Variants in WDR17 observed in about 807,000 individuals in gnomAD.
WDR17 encodes WD repeat-containing protein 17.
Under a neutral mutation model 161.7 loss-of-function variants are expected in WDR17, and 143 were observed. The ratio of observed to expected loss-of-function variants is 0.88; its 90% CI spans 0.77 to 1.02. WDR17 has a LOEUF of 1.02. Among genes scored for constraint, WDR17 ranks in the 50% least tolerant of loss-of-function variants. WDR17 has a pLI of 0.00. For missense variants in WDR17, 1,469 were observed against 1,520.9 expected (o/e 0.97, Z 0.57); for synonymous variants, 517 against 515.6 (o/e 1.00, Z -0.04).
Position 176,148,093 on chromosome 4 carries a change from T to A in WDR17, c.1695-40T>A, listed in dbSNP as rs1394234456. ...ATATGTTAATACTCTAGATACATTA[T>A]AACTTGAATGTTATCACACCCATAA... On this transcript the variant is annotated intron_variant, in intron 12 of 28. Transcript: ENST00000508596. The A allele has an allele frequency of 3.8e-6, 6 of 1,563,614 alleles. No individual in the cohort carries two copies. The African/African-American group carries it at 8.1e-5, about 21-fold the overall frequency.
intron 1 of WDR17, among the ~76,000 whole-genome samples, chr4:176,081,922 C>A (rs998946708): frequency 6.6e-6 from 1 of 152,084 alleles, no homozygotes; most frequent in Non-Finnish European, 1.5e-5. Context: ...CAGTGTAATT[C>A]CACCTGTACC....
Position 176,131,540 on chromosome 4 carries a change from T to C in WDR17, c.914-14T>C, listed in dbSNP as rs984819918. ...GGTTTCATTCCAATAGGATTTTTTT[T>C]CTTCTATTTTTAGTTTCAGTCCAAT... On this transcript the variant is annotated splice_polypyrimidine_tract_variant and intron_variant, in intron 6 of 28. Transcript: ENST00000508596. The C allele has an allele frequency of 1.3e-6, 2 of 1,587,886 alleles. No individual in the cohort carries two copies. Among genetic ancestry groups the C allele is most frequent in the South Asian group, 1.2e-5 (1 of 85,772 alleles).
chr4:176,156,708 G>C (rs933690031), intron 18 of WDR17, among the ~76,000 whole-genome samples: 4 of 151,876 alleles, frequency 2.6e-5, no homozygotes, highest in African/African-American at 9.7e-5. Flanking sequence ...CCATAAAATG[G>C]GTGGCCTAAA....
At position 176,173,336 on chromosome 4, in the gene WDR17, G is replaced by C. The variant is rs201308930; in HGVS notation, c.3314G>C (p.Arg1105Pro). Residue 1105 changes from arginine to proline, a missense_variant, in exon 25 of 29, where the codon CGT becomes CCT. By Grantham distance (103) the Arg-to-Pro change is moderately radical. Coordinates refer to ENST00000508596, the MANE Select transcript of WDR17 (RefSeq NM_181265.4). ...YPVLDLLSYI[R>P]TEKLLLHTCT... ...GTTCTTGACCTACTGAGCTATATTC[G>C]TACTGAAAAATTACTCTTGCATACG... 1.2e-6 allele frequency: 2 copies of C among 1,612,736 alleles called. No individual in the cohort carries two copies. The highest frequency in any genetic ancestry group is 1.7e-6 in the Non-Finnish European group (2 of 1,179,534).
rs1319798901 is a variant in WDR17 at position 176,135,280 on chromosome 4, A to C, written c.1267+4A>C. Reference sequence around the variant, plus strand: ...TATTCCCTTTCTTGGGCTCCAGGTAAGAGATATTTTATTGAAATTAGGAAT... The same window carrying C: ...TATTCCCTTTCTTGGGCTCCAGGTACGAGATATTTTATTGAAATTAGGAAT... On this transcript the variant is annotated splice_donor_region_variant and intron_variant, in intron 8 of 28. Transcript: ENST00000508596. 8.1e-6 allele frequency: 13 copies of C among 1,611,588 alleles called. No individual in the cohort carries two copies. Among genetic ancestry groups the C allele is most frequent in the Non-Finnish European group, 8.5e-6 (10 of 1,178,124 alleles).
At chr4:176,170,316 C>CTT (rs34343977) in intron 23 of WDR17, among the ~76,000 whole-genome samples, 3 of 125,168 alleles carry the variant, frequency 2.4e-5, no homozygotes, top group South Asian at 2.5e-4. Flanking sequence ...TTTCTTTTTT[C>CTT]TTTTTTTTTT....
intron 1 of WDR17, among the ~76,000 whole-genome samples, chr4:176,084,967 C>A (rs1399749673): frequency 6.6e-6 from 1 of 151,484 alleles, no homozygotes; most frequent in Non-Finnish European, 1.5e-5. Context: ...GTTTGTGTAT[C>A]TTTGCGTCAC....
chr4:176,131,064 G>A (rs1259304792), intron 6 of WDR17, among the ~76,000 whole-genome samples: 1 of 152,066 alleles, frequency 6.6e-6, no homozygotes, highest in East Asian at 1.9e-4. Flanking sequence ...ATAGTGTTGT[G>A]ATTCTTAATT....
At chr4:176,069,048 G>A (rs937859865) in intron 1 of WDR17, among the ~76,000 whole-genome samples, 1 of 152,140 alleles carries the variant, frequency 6.6e-6, no homozygotes. Flanking sequence ...AAGTTTCCAT[G>A]CTTAAAGCAT....
chr4:176,167,824 A>C (rs1750104926), intron 22 of WDR17, among the ~76,000 whole-genome samples: 1 of 151,776 alleles, frequency 6.6e-6, no homozygotes, highest in South Asian at 2.1e-4. Flanking sequence ...TAAAACCCTC[A>C]GTTGCTTTAG....
intron 17 of WDR17, 30 bp from the exon 18 acceptor site, chr4:176,156,049 T>C: frequency 6.2e-7 from 1 of 1,609,738 alleles, no homozygotes; most frequent in Non-Finnish European, 8.5e-7. Context: ...AAAATTAATA[T>C]GCTCCTGCCC....
intron 23 of WDR17, among the ~76,000 whole-genome samples, chr4:176,169,006 C>T (rs1464192631): frequency 1.3e-5 from 2 of 152,096 alleles, no homozygotes; most frequent in African/African-American, 2.4e-5. Context: ...TCTTCATTCT[C>T]ATAAAACTTT....
At chr4:176,171,394 T>C (rs1250228461) in intron 23 of WDR17, among the ~76,000 whole-genome samples, 6 of 152,116 alleles carry the variant, frequency 3.9e-5, no homozygotes, top group Non-Finnish European at 8.8e-5. Context: ...ACCTACCCTA[T>C]AGTAGTTGCT....
At chr4:176,076,549 T>C (rs1054834526) in intron 1 of WDR17, among the ~76,000 whole-genome samples, 9 of 151,774 alleles carry the variant, frequency 5.9e-5, no homozygotes, top group Non-Finnish European at 8.8e-5. Context: ...TCAATTTCTC[T>C]AAATTTTAAA....
At position 176,120,032 on chromosome 4, in the gene WDR17, A is replaced by T; in HGVS notation, c.473A>T (p.His158Leu). Residue 158 changes from histidine (H) to leucine (L), a missense_variant, in exon 4 of 29, where the codon CAT becomes CTT. By Grantham distance (99) the His-to-Leu change is moderately conservative. Transcript: ENST00000508596. ...FLSDICMFRW[H>L]THQKGKVVFG... ...TCTGATATCTGTATGTTCAGATGGC[A>T]TACACACCAAAAGGGGAAAGTTGTG... 1 of 1,614,080 alleles carries T rather than the reference A, an allele frequency of 6.2e-7. No homozygotes were observed. The highest frequency in any genetic ancestry group is 8.5e-7 in the Non-Finnish European group (1 of 1,179,996).
In WDR17 at chr4:176,180,070, A is replaced by T. The variant is rs921721204; in HGVS notation, c.*491A>T. ...TTACGTTCTCCTTTATAAAATGCAT[A>T]GTAAACCACTAACGTTAGCTGTTTT... On this transcript the variant is annotated 3_prime_UTR_variant, in exon 29 of 29. Transcript: ENST00000508596. 1 of 152,204 alleles carries T rather than the reference A, an allele frequency of 6.6e-6. No individual in the cohort carries two copies. The highest frequency in any genetic ancestry group is 1.5e-5 in the Non-Finnish European group (1 of 68,040). The allele number at this position is 152,204 out of a possible 1,614,324, so 9.4% of individuals were successfully genotyped here.
chr4:176,098,262 T>G (rs17062505), intron 1 of WDR17: 2 of 155,150 alleles, frequency 1.3e-5, no homozygotes, highest in Non-Finnish European at 2.9e-5. Flanking sequence ...CCAACTGAAG[T>G]GTGTTGTTCC....
At chr4:176,146,236 A>G (rs1173885052) in intron 12 of WDR17, 77 bp downstream of exon 12, 1 of 1,470,144 alleles carries the variant, frequency 6.8e-7, no homozygotes, top group African/African-American at 1.4e-5. Flanking sequence ...ACATATTTAT[A>G]GGAGATATAT....
At chr4:176,171,222 A>G (rs4690663) in intron 23 of WDR17, among the ~76,000 whole-genome samples, 74,427 of 151,982 alleles carry the variant, frequency 0.49, 18,883 homozygotes, top group Admixed American at 0.61. Context: ...TATAACTTTT[A>G]GAATTTTAAA....
Sources: gnomAD v4.1 joint callset for allele counts (sites outside exome capture counted in the v4.1 genomes callset) on GRCh38, gnomAD v4.1.1 for gene constraint, MANE v1.5 for transcripts, NCBI Gene and HGNC (gene_info 2026-07-23, HGNC 2026-07-21) for gene names.